The following PTPN12 variants were observed in gnomAD, a reference collection of about 807,000 sequenced individuals.
The protein encoded by PTPN12 is protein tyrosine phosphatase non-receptor type 12.
PTPN12 carries 29 observed loss-of-function variants against 97.6 expected under a neutral mutation model. The observed-to-expected ratio is 0.30, with a 90% CI of 0.22 to 0.41. PTPN12 has a LOEUF of 0.41. Ranked by LOEUF, PTPN12 falls within the 10% of genes least tolerant of loss-of-function variation. The probability of loss-of-function intolerance (pLI) is 1.00; values close to 1 mark genes in which losing one functional copy is unlikely to be tolerated. For missense variants in PTPN12, 819 were observed against 926.0 expected (o/e 0.88, Z 1.50); for synonymous variants, 327 against 300.4 (o/e 1.09, Z -0.91).
At chr7:77,623,270 TAACA>T (rs1322388050) in intron 12 of PTPN12, among the ~76,000 whole-genome samples, 2 of 152,220 alleles carry the variant, frequency 1.3e-5, no homozygotes, top group Non-Finnish European at 2.9e-5. Flanking sequence ...AATACTCGAT[TAACA>T]AACCCATATA....
At chr7:77,599,817 G>A (rs1392513736) in intron 7 of PTPN12, among the ~76,000 whole-genome samples, 2 of 152,244 alleles carry the variant, frequency 1.3e-5, no homozygotes, top group South Asian at 4.2e-4. Context: ...TAGATTCCGA[G>A]TATTGCTCTT....
At chr7:77,586,099 A>T (rs981129802) in intron 5 of PTPN12, among the ~76,000 whole-genome samples, 1 of 152,032 alleles carries the variant, frequency 6.6e-6, no homozygotes, top group Non-Finnish European at 1.5e-5. Flanking sequence ...GATTATAGGC[A>T]TGTGCCACCA....
In PTPN12 at chr7:77,590,706, A is replaced by C. The variant is rs555856777; in HGVS notation, c.421-1479A>C. 2.0e-5 allele frequency among the ~76,000 whole-genome samples: 3 copies of C among 152,096 alleles called. No homozygotes were observed. The South Asian group carries it at 6.2e-4, about 32-fold the overall frequency. Reference sequence around the variant, plus strand: ...CTCCTGAGTAGCTGGGATTAAAGGCATGTGCCACCATGCCTGGCTAATTTT... The same window carrying C: ...CTCCTGAGTAGCTGGGATTAAAGGCCTGTGCCACCATGCCTGGCTAATTTT... On this transcript the variant is annotated intron_variant, in intron 5 of 17. Transcript: ENST00000248594.
chr7:77,589,237 T>C (rs1251758027), intron 5 of PTPN12, among the ~76,000 whole-genome samples: 1 of 152,180 alleles, frequency 6.6e-6, no homozygotes, highest in Non-Finnish European at 1.5e-5. Flanking sequence ...TTTGTTTGTT[T>C]CCTATCTTCA....
intron 2 of PTPN12, among the ~76,000 whole-genome samples, chr7:77,572,742 AATACTTTTTAGGATT>A (rs1205992576): frequency 6.6e-6 from 1 of 152,200 alleles, no homozygotes; most frequent in Non-Finnish European, 1.5e-5. Context: ...AGATTATAAT[AATACTTTTTAGGATT>A]ATTTGCACAA....
At chr7:77,537,702 C>G in intron 1 of PTPN12, 57 bp downstream of exon 1, 3 of 1,518,412 alleles carry the variant, frequency 2.0e-6, no homozygotes, top group Non-Finnish European at 2.7e-6. Context: ...CCATCGCCGC[C>G]TCTCCCGGCC....
At chr7:77,600,894 C>T in intron 8 of PTPN12, 88 bp downstream of exon 8, 1 of 1,152,438 alleles carries the variant, frequency 8.7e-7, no homozygotes. Context: ...TGTTAGTAAT[C>T]TTGAATTTCT....
intron 5 of PTPN12, among the ~76,000 whole-genome samples, chr7:77,588,105 C>G (rs1787750142): frequency 6.6e-6 from 1 of 152,160 alleles, no homozygotes; most frequent in African/African-American, 2.4e-5. Flanking sequence ...CCTGGAGTAG[C>G]TCTTTTAATG....
At chr7:77,582,084 C>CGTGTTTTTTTT (rs1787534736) in intron 3 of PTPN12, among the ~76,000 whole-genome samples, 1 of 52,846 alleles carries the variant, frequency 1.9e-5, no homozygotes, top group Admixed American at 3.0e-4. Flanking sequence ...CAGTCAAGTT[C>CGTGTTTTTTTT]TTTTTTTTTT....
intron 2 of PTPN12, among the ~76,000 whole-genome samples, chr7:77,572,927 A>G (rs1000224436): frequency 6.6e-6 from 1 of 151,906 alleles, no homozygotes; most frequent in Non-Finnish European, 1.5e-5. Context: ...TATCAAAAAT[A>G]CAAAAATTAG....
In PTPN12 at chr7:77,639,920, C is replaced by G. The variant is rs1789736782; in HGVS notation, c.*640C>G. The G allele has an allele frequency of 6.6e-6, 1 of 152,478 alleles. No individual in the cohort carries two copies. Among genetic ancestry groups the G allele is most frequent in the African/African-American group, 2.4e-5 (1 of 41,408 alleles). The allele number at this position is 152,478 out of a possible 1,614,324, so 9.4% of individuals were successfully genotyped here. ...TCCTGTTTTCATCTAGTCAGAGATT[C>G]AGTAAGTGCCTTGGAACAATATTGA... is the stretch of plus-strand genomic sequence containing the variant. On this transcript the variant is annotated 3_prime_UTR_variant, in exon 18 of 18. Coordinates refer to ENST00000248594, the MANE Select transcript of PTPN12 (RefSeq NM_002835.4).
chr7:77,549,518 A>G (rs1019826246), intron 1 of PTPN12, among the ~76,000 whole-genome samples: 2 of 152,058 alleles, frequency 1.3e-5, no homozygotes, highest in Admixed American at 6.6e-5. Flanking sequence ...TAATTTTTCA[A>G]CATTAAAATA....
At chr7:77,559,255 C>A (rs1807883124) in intron 1 of PTPN12, among the ~76,000 whole-genome samples, 1 of 152,176 alleles carries the variant, frequency 6.6e-6, no homozygotes, top group Non-Finnish European at 1.5e-5. Flanking sequence ...TTTTTGAAAG[C>A]TTGTGCCTAG....
intron 1 of PTPN12, among the ~76,000 whole-genome samples, chr7:77,555,927 T>G (rs1189492172): frequency 6.6e-6 from 1 of 151,684 alleles, no homozygotes; most frequent in Non-Finnish European, 1.5e-5. Flanking sequence ...AAAAAAAAAA[T>G]CTCTAGTGTT....
At chr7:77,628,455 A>G (rs2151397889) in intron 13 of PTPN12, among the ~76,000 whole-genome samples, 1 of 152,238 alleles carries the variant, frequency 6.6e-6, no homozygotes, top group South Asian at 2.1e-4. Context: ...GTTTATTGAT[A>G]TATTGATTAT....
At chr7:77,566,585 G>C (rs114860701) in intron 1 of PTPN12, among the ~76,000 whole-genome samples, 2 of 152,058 alleles carry the variant, frequency 1.3e-5, no homozygotes, top group African/African-American at 4.8e-5. Context: ...CAGGCGTGGC[G>C]GTGCGTGCCT....
intron 14 of PTPN12, among the ~76,000 whole-genome samples, chr7:77,633,621 AG>A (rs1350723283): frequency 3.3e-5 from 5 of 151,764 alleles, no homozygotes; most frequent in Admixed American, 3.3e-4. Flanking sequence ...AAAAAAAAAA[AG>A]TAGCACTTAT....
chr7:77,540,711 GTGC>G (rs1806928860), intron 1 of PTPN12, among the ~76,000 whole-genome samples: 1 of 151,334 alleles, frequency 6.6e-6, no homozygotes, highest in South Asian at 2.1e-4. Flanking sequence ...CCGGTAGTTG[GTGC>G]TGCTTTTTCC....
intron 8 of PTPN12, among the ~76,000 whole-genome samples, chr7:77,603,862 T>C (rs889814941): frequency 1.3e-5 from 2 of 151,232 alleles, no homozygotes; most frequent in African/African-American, 2.4e-5. Context: ...TCCCCAATAC[T>C]GTGTGTTATC....
Sources: gnomAD v4.1 joint callset for allele counts (sites outside exome capture counted in the v4.1 genomes callset) on GRCh38, gnomAD v4.1.1 for gene constraint, MANE v1.5 for transcripts, NCBI Gene and HGNC (gene_info 2026-07-23, HGNC 2026-07-21) for gene names.